The following ANO2 variants were observed in gnomAD, a reference collection of about 807,000 sequenced individuals.
ANO2 encodes the protein anoctamin-2.
Under a neutral mutation model 124.2 loss-of-function variants are expected in ANO2, and 101 were observed. That is an observed-to-expected ratio of 0.81 (90% CI 0.69 to 0.96). ANO2 has a LOEUF of 0.96. Ranked by LOEUF, ANO2 falls within the 40% of genes least tolerant of loss-of-function variation. The pLI is 0.00. For synonymous variants in ANO2, 486 were observed against 482.5 expected (o/e 1.01, Z -0.09); for missense variants, 1,293 against 1,274.5 (o/e 1.01, Z -0.22).
At chr12:5,626,659 A>G (rs1047660151) in intron 16 of ANO2, among the ~76,000 whole-genome samples, 1 of 152,090 alleles carries the variant, frequency 6.6e-6, no homozygotes, top group Non-Finnish European at 1.5e-5. Flanking sequence ...AAAGGAAGCG[A>G]CTCTAATGAA....
intron 10 of ANO2, among the ~76,000 whole-genome samples, chr12:5,761,762 A>T (rs933068423): frequency 6.6e-6 from 1 of 152,206 alleles, no homozygotes; most frequent in Non-Finnish European, 1.5e-5. Context: ...ATGTTTTTCA[A>T]GTTTACATGA....
intron 15 of ANO2, among the ~76,000 whole-genome samples, chr12:5,641,277 G>A (rs1946378831): frequency 6.6e-6 from 1 of 152,112 alleles, no homozygotes; most frequent in African/African-American, 2.4e-5. Context: ...TAATGTAAAT[G>A]ACAAGTTAAT....
intron 10 of ANO2, among the ~76,000 whole-genome samples, chr12:5,793,950 G>C (rs987115748): frequency 6.6e-6 from 1 of 152,164 alleles, no homozygotes; most frequent in Non-Finnish European, 1.5e-5. Context: ...AAGGAGACTG[G>C]GGCAGAGCCT....
chr12:5,625,489 G>A (rs1348423311), intron 16 of ANO2, among the ~76,000 whole-genome samples: 1 of 152,080 alleles, frequency 6.6e-6, no homozygotes, highest in African/African-American at 2.4e-5. Flanking sequence ...CATCTCCTGA[G>A]ATGGGAAGAA....
intron 3 of ANO2, among the ~76,000 whole-genome samples, chr12:5,899,991 A>G (rs1194842440): frequency 6.6e-6 from 1 of 152,210 alleles, no homozygotes; most frequent in African/African-American, 2.4e-5. Flanking sequence ...ATTCATCAGC[A>G]TCTTCTGAGG....
intron 16 of ANO2, among the ~76,000 whole-genome samples, chr12:5,624,151 C>T (rs1193771172): frequency 6.6e-6 from 1 of 152,138 alleles, no homozygotes; most frequent in African/African-American, 2.4e-5. Context: ...ATGAGACCTA[C>T]TGAGCTGGCT....
At chr12:5,878,366 T>C (rs976123069) in intron 3 of ANO2, among the ~76,000 whole-genome samples, 143 of 152,330 alleles carry the variant, frequency 9.4e-4, no homozygotes, top group African/African-American at 3.3e-3. Flanking sequence ...CTCAGGTCTA[T>C]AGCACTTAAG....
intron 1 of ANO2, among the ~76,000 whole-genome samples, 176 bp from the exon 2 acceptor site, chr12:5,922,980 A>G (rs766984569): frequency 3.4e-4 from 52 of 152,100 alleles, no homozygotes; most frequent in Admixed American, 4.6e-4. Context: ...GGAAGGGAGC[A>G]TGGAAAAGGA....
intron 3 of ANO2, among the ~76,000 whole-genome samples, chr12:5,910,370 G>A (rs1940973452): frequency 6.6e-6 from 1 of 152,018 alleles, no homozygotes; most frequent in Non-Finnish European, 1.5e-5. Context: ...GTAGAGACAG[G>A]GTTTCACCAT....
chr12:5,753,168 G>C (rs2137095647), intron 10 of ANO2, among the ~76,000 whole-genome samples: 1 of 152,220 alleles, frequency 6.6e-6, no homozygotes, highest in African/African-American at 2.4e-5. Flanking sequence ...ATGAATTTAA[G>C]GGTTTCAATA....
chr12:5,804,810 T>G (rs1209005566), intron 9 of ANO2, among the ~76,000 whole-genome samples: 1 of 152,184 alleles, frequency 6.6e-6, no homozygotes, highest in African/African-American at 2.4e-5. Context: ...GACTGATCTC[T>G]CCTATGACTT....
intron 7 of ANO2, among the ~76,000 whole-genome samples, chr12:5,819,016 A>T (rs149094065): frequency 0.031 from 4,668 of 152,232 alleles, 224 homozygotes; most frequent in African/African-American, 0.1. Flanking sequence ...ATTGTGGAAA[A>T]ACAGACACAA....
rs115407108 is a variant in ANO2 at position 5,908,861 on chromosome 12, C to T, written c.534+12179G>A. Among the ~76,000 whole-genome samples the T allele has an allele frequency of 1.1e-3, 173 of 152,276 alleles. No homozygotes were observed. Among genetic ancestry groups the T allele is most frequent in the African/African-American group, 4.0e-3 (166 of 41,552 alleles). ...AAGGCAGGGAATAAGTGGGGTGCAC[C>T]ATTGCTTGTATTGGTGCCTGAATGT... On this transcript the variant is annotated intron_variant, in intron 3 of 24. Transcript: ENST00000682330. This position sits in a 1 kb window ranked among gnomAD's most constrained non-coding sequence, Gnocchi z 4.7.
intron 4 of ANO2, among the ~76,000 whole-genome samples, chr12:5,833,509 T>A (rs1320299980): frequency 1.3e-5 from 2 of 151,822 alleles, no homozygotes; most frequent in Non-Finnish European, 2.9e-5. Context: ...ATAGCAGGAG[T>A]GATACTATGC....
intron 20 of ANO2, among the ~76,000 whole-genome samples, chr12:5,591,011 C>T (rs1943369501): frequency 6.6e-6 from 1 of 152,162 alleles, no homozygotes; most frequent in African/African-American, 2.4e-5. Flanking sequence ...GAAACCCCGT[C>T]TCTACTAAAA....
intron 3 of ANO2, among the ~76,000 whole-genome samples, chr12:5,867,777 T>TAA (rs1955465155): frequency 1.4e-4 from 4 of 29,338 alleles, no homozygotes; most frequent in Non-Finnish European, 2.3e-4. Flanking sequence ...AGCACTATAA[T>TAA]GAAAAAAAAA....
In ANO2 at chr12:5,635,236, C is replaced by G; in HGVS notation, c.1732G>C (p.Ala578Pro). 1 of 1,613,174 alleles carries G rather than the reference C, an allele frequency of 6.2e-7. No homozygotes were observed. Residue 578 changes from alanine to proline, a missense_variant, in exon 16 of 25, where the codon GCA (alanine) becomes CCA (proline). Ala to Pro is a conservative substitution (Grantham distance 27). Coordinates refer to ENST00000682330, the MANE Select transcript of ANO2 (RefSeq NM_001364791.2). This position sits in a 1 kb window ranked among gnomAD's most constrained non-coding sequence, Gnocchi z 5.2. ...ACGAGGTTGATGATGACTGCTGTTG[C>G]TGTCACTGTCACCCGGACATTGGAG... ...TRSNVRVTVT[A>P]TAVIINLVVI... is the part of the protein sequence containing the mutation.
intron 3 of ANO2, among the ~76,000 whole-genome samples, chr12:5,873,011 TG>T (rs1369723630): frequency 4.6e-5 from 7 of 152,322 alleles, no homozygotes; most frequent in South Asian, 2.1e-4. Flanking sequence ...CTGTTTGCAC[TG>T]GGGGCTCTCT....
rs118083374 is a variant in ANO2, at chr12:5,917,006, G to A, written c.534+4034C>T. Among the ~76,000 whole-genome samples, 1,396 of 152,296 alleles carry A rather than the reference G, an allele frequency of 9.2e-3. 16 individuals are homozygous for A. Among genetic ancestry groups the A allele is most frequent in the Middle Eastern group, 0.02 (6 of 294 alleles). The stretch of plus-strand genomic sequence containing the variant: ...TGGAAGTCTGATGACAGGGACGCTG[G>A]GGGAGGCTGTGTCACCTGGAGTAGC... On this transcript the variant is annotated intron_variant, in intron 3 of 24. Coordinates refer to ENST00000682330, the MANE Select transcript of ANO2 (RefSeq NM_001364791.2).
Sources: gnomAD v4.1 joint callset for allele counts (sites outside exome capture counted in the v4.1 genomes callset) on GRCh38, gnomAD v4.1.1 for gene constraint, Gnocchi (gnomAD v3.1) non-coding constraint, MANE v1.5 for transcripts, NCBI Gene and HGNC (gene_info 2026-07-23, HGNC 2026-07-21) for gene names.